The following NOTCH1 variants were observed in gnomAD, a reference collection of about 807,000 sequenced individuals.
NOTCH1 encodes notch receptor 1.
Under a neutral mutation model 254.8 loss-of-function variants are expected in NOTCH1, and 37 were observed. The ratio of observed to expected loss-of-function variants is 0.15; its 90% CI spans 0.11 to 0.19. NOTCH1 has a LOEUF of 0.19. NOTCH1 is among the 10% of genes least tolerant of loss of function. The probability of loss-of-function intolerance (pLI) is 1.00; values close to 1 mark genes in which losing one functional copy is unlikely to be tolerated. For missense variants in NOTCH1, 2,972 were observed against 3,708.6 expected, an observed-to-expected ratio of 0.80 and a Z score of 5.16; for synonymous variants, 1,731 against 1,618.1, an observed-to-expected ratio of 1.07 and a Z score of -1.68.
rs746342893 is a variant in NOTCH1 at position 136,505,028 on chromosome 9, C to T, written c.4663G>A (p.Glu1555Lys). 23 of 1,608,274 alleles carry T rather than the reference C, an allele frequency of 1.4e-5. No homozygotes were observed. In the East Asian group the frequency reaches 3.6e-4, roughly 25 times the overall value. ...TCCGCACAGTCCAGCCCGTCCCACT[C>T]GCACTCCGCGCTGTTGCAGCCCTGG... is the stretch of plus-strand genomic sequence containing the variant. ...CDQGCNSAEC[E>K]WDGLDCAEHV... Residue 1555 changes from glutamate (E) to lysine (K), a missense_variant, in exon 26 of 34, where the codon GAG (glutamate) becomes AAG (lysine). Transcript: ENST00000651671.
chr9:136,502,213 T>A (rs1179194626), intron 28 of NOTCH1, 59 bp downstream of exon 28: 1 of 1,551,806 alleles, frequency 6.4e-7, no homozygotes, highest in Non-Finnish European at 8.8e-7. Flanking sequence ...CCGGTGAGGA[T>A]GCTCGGCCAG....
rs1402624273 is a variant in NOTCH1, at chr9:136,506,760, T to C, written c.3857A>G (p.Gln1286Arg). 1 of 1,606,976 alleles carries C rather than the reference T, an allele frequency of 6.2e-7. No homozygotes were observed. Among genetic ancestry groups the C allele is most frequent in the Non-Finnish European group, 8.5e-7 (1 of 1,177,346 alleles). Residue 1286 changes from glutamine (Q) to arginine (R), a missense_variant, in exon 23 of 34, where the codon CAG becomes CGG. Physicochemically the swap from Gln to Arg is conservative, Grantham distance 43. Around this residue, in one of 8 missense-constraint regions of NOTCH1, gnomAD observed 1,343 missense variants for 1,557.0 expected, o/e 0.86. Transcript: ENST00000651671. This position sits in a 1 kb window ranked among gnomAD's most constrained non-coding sequence, Gnocchi z 4.5. ...CDARGTQNCVQRVNDFHCECR... is the reference protein window; with the variant it reads ...CDARGTQNCVRRVNDFHCECR... ...CTCGCAGTGGAAGTCATTGACGCGCTGCACGCAGTTCTGGGTGCCACGGGC... is the reference window on the plus strand; with the variant it reads ...CTCGCAGTGGAAGTCATTGACGCGCCGCACGCAGTTCTGGGTGCCACGGGC...
Position 136,505,328 on chromosome 9 carries a change from C to T in NOTCH1, c.4568G>A (p.Arg1523His), listed in dbSNP as rs367589813. ...GCCTTACTTGCACTGGCCTTCCGCA[C>T]GCTGGCAGTCAAAGCCGTCGAAGAG... ...GCLFDGFDCQ[R>H]AEGQCNPLYD... The change falls in exon 25 of 34, where the codon CGT becomes CAT. Residue 1523 changes from arginine to histidine, a missense_variant. This residue lies in a region of NOTCH1 where 1,343 missense variants were observed against 1,557.0 expected (regional missense o/e 0.86). Transcript: ENST00000651671. 1.8e-5 allele frequency: 28 copies of T among 1,585,618 alleles called. No individual in the cohort carries two copies. The highest frequency in any genetic ancestry group is 3.6e-5 in the Admixed American group (2 of 54,934).
At chr9:136,531,605 C>T (rs753335340) in intron 2 of NOTCH1, among the ~76,000 whole-genome samples, 52 of 152,310 alleles carry the variant, frequency 3.4e-4, no homozygotes, top group Admixed American at 6.5e-4. Context: ...CCCAGCCTCC[C>T]GCTCCCCTTC....
At chr9:136,519,376 T>A in intron 5 of NOTCH1, 67 bp downstream of exon 5, 1 of 1,598,560 alleles carries the variant, frequency 6.3e-7, no homozygotes, top group Non-Finnish European at 8.5e-7. Flanking sequence ...TGCCTGTGAG[T>A]GCAGTTTAGT....
chr9:136,513,258 C>A lies in NOTCH1; in HGVS notation c.2354-124G>T. The stretch of plus-strand genomic sequence containing the variant: ...CCTCCTCATCTCCAAGAGCCAGAGG[C>A]CTGGAGCTAAGGCTTTGCCACGGGA... On this transcript the variant is annotated intron_variant, in intron 14 of 33. Transcript: ENST00000651671. This position sits in a 1 kb window ranked among gnomAD's most constrained non-coding sequence, Gnocchi z 4.7. 2 of 1,492,344 alleles carry A rather than the reference C, an allele frequency of 1.3e-6. No individual in the cohort carries two copies. The highest frequency in any genetic ancestry group is 9.3e-7 in the Non-Finnish European group (1 of 1,078,820). 92.4% of individuals were successfully genotyped at this position (1,492,344 alleles called of 1,614,324 possible). A position where few individuals can be genotyped will look rare whatever the true frequency, so the allele number is the denominator to read the frequency against.
At chr9:136,535,918 GGGCAATGAGTGCAGGGTGGGTGGAGA>G (rs1843647259) in intron 2 of NOTCH1, among the ~76,000 whole-genome samples, 1 of 131,050 alleles carries the variant, frequency 7.6e-6, no homozygotes, top group South Asian at 2.9e-4. Context: ...ATCCCTCCCG[GGGCAATGAGTGCAGGGTGGGTGGAGA>G]GGGGAGCACT....
intron 2 of NOTCH1, among the ~76,000 whole-genome samples, chr9:136,530,809 C>T (rs889972553): frequency 2.6e-5 from 4 of 152,258 alleles, no homozygotes; most frequent in Non-Finnish European, 5.9e-5. Flanking sequence ...CCCAGCCCAG[C>T]CCTGCACCCC....
At chr9:136,517,670 A>G (rs1348883539) in intron 8 of NOTCH1, 82 bp downstream of exon 8, 1 of 1,546,354 alleles carries the variant, frequency 6.5e-7, no homozygotes, top group Non-Finnish European at 8.9e-7. Flanking sequence ...AAGCGGAAGC[A>G]ACCCACAGAT....
chr9:136,504,843 G>A lies in NOTCH1; in HGVS notation c.4848C>T (p.Ile1616=), dbSNP rs1843053505. 1.3e-6 allele frequency: 2 copies of A among 1,580,228 alleles called. No homozygotes were observed. Among genetic ancestry groups the A allele is most frequent in the Non-Finnish European group, 1.7e-6 (2 of 1,163,612 alleles). Residue 1616 remains isoleucine, a synonymous_variant, in exon 26 of 34, where the codon ATC becomes ATT. Transcript: ENST00000651671. ...FKRDAHGQQM[I]FPYYGREEEL... ...CCTCCTCGCGGCCGTAGTAGGGGAA[G>A]ATCATCTGCTGGCCGTGTGCGTCAC...
chr9:136,519,709 C>A, intron 4 of NOTCH1, 144 bp from the exon 5 acceptor site: 11 of 1,153,136 alleles, frequency 9.5e-6, no homozygotes, highest in Non-Finnish European at 1.4e-5. Flanking sequence ...CGTCCCCTGC[C>A]TCACTCCAGT....
chr9:136,496,261 G>A lies in NOTCH1; in HGVS notation c.7478C>T (p.Pro2493Leu), dbSNP rs1034600983. 3.7e-6 allele frequency: 6 copies of A among 1,603,158 alleles called. No individual in the cohort carries two copies. In the South Asian group the frequency reaches 5.6e-5, roughly 15 times the overall value. Residue 2493 changes from proline to leucine, a missense_variant, in exon 34 of 34, where the codon CCT becomes CTT. By Grantham distance (98) the Pro-to-Leu change is moderately conservative (BLOSUM62 -3). Coordinates refer to ENST00000651671, the MANE Select transcript of NOTCH1 (RefSeq NM_017617.5). ...TPPSQHSYSS[P>L]VDNTPSHQLQ... ...CTGGTGGCTGGGGGTGTTGTCCACA[G>A]GCGAGGAGTAGCTGTGCTGCGAGGG...
rs754496640 is a variant in NOTCH1, at chr9:136,522,830, C to T, written c.742+20G>A. The T allele has an allele frequency of 2.2e-5, 32 of 1,464,460 alleles. No homozygotes were observed. In the South Asian group the frequency reaches 2.9e-4, roughly 13 times the overall value. The allele number at this position is 1,464,460 out of a possible 1,614,324, so 90.7% of individuals were successfully genotyped here. On this transcript the variant is annotated intron_variant, in intron 4 of 33. Transcript: ENST00000651671. Reference sequence around the variant, plus strand: ...CAGCCGGGGAGGGGCTCGTGCACCCCGGCCAGCGGGCAGCACTACCTGGCA... The same window carrying T: ...CAGCCGGGGAGGGGCTCGTGCACCCTGGCCAGCGGGCAGCACTACCTGGCA...
chr9:136,514,369 C>T (rs774319391), intron 13 of NOTCH1, 141 bp downstream of exon 13: 43 of 885,910 alleles, frequency 4.9e-5, no homozygotes, highest in African/African-American at 1.8e-4. Flanking sequence ...TGTGCGTCCC[C>T]GAGGGGAGCT....
Position 136,502,130 on chromosome 9 carries a change from C to T in NOTCH1, c.5385-42G>A, listed in dbSNP as rs1397740993. On this transcript the variant is annotated intron_variant, in intron 28 of 33. Coordinates refer to ENST00000651671, the MANE Select transcript of NOTCH1 (RefSeq NM_017617.5). Reference sequence around the variant, plus strand: ...CGAGAAGTGAGGCTGAGCGAGCTCCCTAGGAAGCCCCCAGAGACCCCTGGC... The same window carrying T: ...CGAGAAGTGAGGCTGAGCGAGCTCCTTAGGAAGCCCCCAGAGACCCCTGGC... The T allele has an allele frequency of 3.7e-6, 6 of 1,609,378 alleles. No homozygotes were observed. In the African/African-American group the frequency reaches 8.0e-5, roughly 22 times the overall value.
rs541930148 is a variant in NOTCH1 at position 136,535,918 on chromosome 9, G to A, written c.140+8106C>T. ...GGGGGAGCACTCAGGATCCCTCCCG[G>A]GGCAATGAGTGCAGGGTGGGTGGAG... On this transcript the variant is annotated intron_variant, in intron 2 of 33. Transcript: ENST00000651671. Among the ~76,000 whole-genome samples, 17 of 131,150 alleles carry A rather than the reference G, an allele frequency of 1.3e-4. No homozygotes were observed. In the East Asian group the frequency reaches 4.1e-3, roughly 32 times the overall value. 86.0% of individuals were successfully genotyped at this position (131,150 alleles called of 152,430 possible).
rs2133338710 is a variant in NOTCH1, at chr9:136,505,365, A to G, written c.4531T>C (p.Ser1511Pro). The change falls in exon 25 of 34, where the codon TCA (serine) becomes CCA (proline). Residue 1511 changes from serine (S) to proline (P), a missense_variant. Transcript: ENST00000651671. ...SDGHCDSQCN[S>P]AGCLFDGFDC... Reference sequence around the variant, plus strand: ...AAGCCGTCGAAGAGGCAGCCGGCTGAGTTGCACTGGCTGTCACAGTGGCCG... The same window carrying G: ...AAGCCGTCGAAGAGGCAGCCGGCTGGGTTGCACTGGCTGTCACAGTGGCCG... The G allele has an allele frequency of 6.2e-7, 1 of 1,609,604 alleles. No individual in the cohort carries two copies. Among genetic ancestry groups the G allele is most frequent in the East Asian group, 2.2e-5 (1 of 44,752 alleles).
chr9:136,523,816 G>T lies in NOTCH1; in HGVS notation c.304C>A (p.Leu102Met), dbSNP rs1468241000. ...GGGTTGGTGAGGCAGGCATTGTCCA[G>T]GGGTGTCAGGCAGAGGGGCCCAGAG... is the stretch of plus-strand genomic sequence containing the variant. ...GFSGPLCLTP[L>M]DNACLTNPCR... is the part of the protein sequence containing the mutation. The change falls in exon 3 of 34, where the codon CTG becomes ATG. Residue 102 changes from leucine to methionine, a missense_variant. Leu to Met is a conservative substitution (Grantham distance 15). This residue lies in a region of NOTCH1 where 374 missense variants were observed against 496.3 expected (regional missense o/e 0.75). Coordinates refer to ENST00000651671, the MANE Select transcript of NOTCH1 (RefSeq NM_017617.5). 3 of 1,611,766 alleles carry T rather than the reference G, an allele frequency of 1.9e-6. No homozygotes were observed. The highest frequency in any genetic ancestry group is 2.5e-6 in the Non-Finnish European group (3 of 1,179,598).
At chr9:136,502,562 G>A (rs948174604) in intron 27 of NOTCH1, 74 bp from the exon 28 acceptor site, 1 of 972,322 alleles carries the variant, frequency 1.0e-6, no homozygotes, top group East Asian at 2.8e-5. Context: ...TGGCCGGGGG[G>A]CGGCGGACTG....
Sources: allele counts gnomAD v4.1 joint callset (sites outside exome capture counted in the v4.1 genomes callset), GRCh38; gene constraint gnomAD v4.1.1; regional missense constraint gnomAD v4.1.1; non-coding constraint Gnocchi (gnomAD v3.1); transcripts MANE v1.5; gene names NCBI Gene and HGNC (gene_info 2026-07-23, HGNC 2026-07-21).